The following C10orf143 variants were observed in gnomAD, a reference collection of about 807,000 sequenced individuals.
C10orf143 encodes chromosome 10 open reading frame 143.
chr10:130,078,247 A>G (rs1441460082), intron 3 of C10orf143, among the ~76,000 whole-genome samples: 1 of 152,192 alleles, frequency 6.6e-6, no homozygotes, highest in Non-Finnish European at 1.5e-5. Flanking sequence ...ACAAGCTCTC[A>G]AAGCAGTAAG....
At chr10:130,045,395 T>G (rs1860655184) in intron 3 of C10orf143, among the ~76,000 whole-genome samples, 1 of 152,184 alleles carries the variant, frequency 6.6e-6, no homozygotes, top group East Asian at 1.9e-4. Flanking sequence ...GTCAAATGTC[T>G]TCGGACTGAA....
chr10:130,110,648 C>A (rs923193489), intron 1 of C10orf143, 56 bp downstream of exon 1: 11 of 398,354 alleles, frequency 2.8e-5, no homozygotes, highest in Non-Finnish European at 4.9e-5. Context: ...GCGGTGGGAA[C>A]CCGCCCAGGG....
At chr10:130,070,182 T>C (rs1417334068) in intron 3 of C10orf143, among the ~76,000 whole-genome samples, 1 of 152,228 alleles carries the variant, frequency 6.6e-6, no homozygotes, top group Non-Finnish European at 1.5e-5. Flanking sequence ...ATCTGTAAAA[T>C]CCCTGTGATG....
chr10:130,108,320 C>T (rs751238892), intron 1 of C10orf143: 1 of 1,532,914 alleles, frequency 6.5e-7, no homozygotes, highest in Non-Finnish European at 9.0e-7. Context: ...GGGTTTTCCT[C>T]CTTACCCTCC....
At chr10:130,082,966 CA>C (rs1272413614) in intron 1 of C10orf143, among the ~76,000 whole-genome samples, 2 of 151,450 alleles carry the variant, frequency 1.3e-5, no homozygotes, top group Admixed American at 6.6e-5. Context: ...GCCAAACAAA[CA>C]AAAAAATCCT....
intron 3 of C10orf143, among the ~76,000 whole-genome samples, chr10:130,055,871 A>T (rs1184357093): frequency 6.8e-6 from 1 of 146,818 alleles, no homozygotes; most frequent in Non-Finnish European, 1.5e-5. Flanking sequence ...GCTTGAACCC[A>T]GGAGGCAGAG....
intron 1 of C10orf143, chr10:130,107,847 G>A (rs61733559): frequency 5.3e-5 from 66 of 1,248,628 alleles, no homozygotes; most frequent in Non-Finnish European, 6.1e-5. Context: ...GAACAGGACC[G>A]TAGGATGATG....
chr10:130,110,464 T>C (rs1219325284), intron 1 of C10orf143, among the ~76,000 whole-genome samples: 12 of 152,200 alleles, frequency 7.9e-5, no homozygotes, highest in Admixed American at 6.5e-4. Flanking sequence ...GTCAGGAAGG[T>C]GCCCGAGCTC....
chr10:130,060,882 A>T (rs1388259295), downstream of C10orf143, among the ~76,000 whole-genome samples: 1 of 151,918 alleles, frequency 6.6e-6, no homozygotes, highest in Non-Finnish European at 1.5e-5. Flanking sequence ...TCACACCTGT[A>T]ATCCCAGCAC....
At chr10:130,105,910 C>A in intron 1 of C10orf143, 1 of 367,652 alleles carries the variant, frequency 2.7e-6, no homozygotes, top group Non-Finnish European at 5.4e-6. Flanking sequence ...CCCCCAGCTC[C>A]CCCCCGCAGC....
At chr10:130,106,885 G>A (rs753967794) in intron 1 of C10orf143, 7 of 1,067,484 alleles carry the variant, frequency 6.6e-6, no homozygotes, top group East Asian at 4.7e-5. Flanking sequence ...GGGCTGCTAG[G>A]CTTAGAGAAG....
intron 3 of C10orf143, among the ~76,000 whole-genome samples, chr10:130,078,903 C>A (rs1475024523): frequency 6.6e-6 from 1 of 152,034 alleles, no homozygotes; most frequent in Non-Finnish European, 1.5e-5. Context: ...AAATATAATT[C>A]TATTTTATTG....
intron 3 of C10orf143, among the ~76,000 whole-genome samples, chr10:130,074,236 A>G (rs543667240): frequency 3.3e-5 from 5 of 152,326 alleles, no homozygotes; most frequent in South Asian, 2.1e-4. Flanking sequence ...TGGCAGTCCA[A>G]TGGCTTAGCC....
intron 1 of C10orf143, chr10:130,107,080 G>A (rs778218242): frequency 6.4e-7 from 1 of 1,565,414 alleles, no homozygotes; most frequent in African/African-American, 1.4e-5. Context: ...ATAAAACAAA[G>A]GAAGAGCTTA....
intron 3 of C10orf143, among the ~76,000 whole-genome samples, chr10:130,071,539 CA>C (rs1467720885): frequency 1.3e-5 from 2 of 152,258 alleles, no homozygotes; most frequent in African/African-American, 2.4e-5. Context: ...ATATTTTGTG[CA>C]TTGTAAATAT....
chr10:130,073,324 T>C (rs1043576858), intron 3 of C10orf143, among the ~76,000 whole-genome samples: 1 of 152,200 alleles, frequency 6.6e-6, no homozygotes, highest in Non-Finnish European at 1.5e-5. Context: ...TAAAATAAAC[T>C]TGGAGCCCAT....
At chr10:130,046,741 G>T (rs1275574177) in intron 3 of C10orf143, among the ~76,000 whole-genome samples, 3 of 152,244 alleles carry the variant, frequency 2.0e-5, no homozygotes, top group African/African-American at 7.2e-5. Context: ...ATGCACCTGA[G>T]GCCACCAGCT....
intron 1 of C10orf143, among the ~76,000 whole-genome samples, chr10:130,099,636 A>G (rs1861515947): frequency 1.3e-5 from 2 of 151,662 alleles, no homozygotes; most frequent in South Asian, 4.2e-4. Flanking sequence ...TCGTGGGTTT[A>G]AGTGATTCTC....
chr10:130,098,439 C>T (rs548053648), intron 1 of C10orf143, among the ~76,000 whole-genome samples: 1 of 152,334 alleles, frequency 6.6e-6, no homozygotes, highest in South Asian at 2.1e-4. Flanking sequence ...CCATGTGGCA[C>T]GCTGATGGCG....
Sources: gnomAD v4.1 joint callset for allele counts (sites outside exome capture counted in the v4.1 genomes callset) on GRCh38, gnomAD v4.1.1 for gene constraint, MANE v1.5 for transcripts, NCBI Gene and HGNC (gene_info 2026-07-23, HGNC 2026-07-21) for gene names.